The following FA2H variants were observed in gnomAD, a reference collection of about 807,000 sequenced individuals.
FA2H encodes the protein fatty acid 2-hydroxylase, also known as fatty acid alpha-hydroxylase.
A neutral mutation model predicts 44.9 loss-of-function variants in FA2H; 22 were observed. The ratio of observed to expected loss-of-function variants is 0.49; its 90% CI spans 0.35 to 0.70. The LOEUF (loss-of-function observed/expected upper bound fraction) is 0.70. Ranked by LOEUF, FA2H falls within the 30% of genes least tolerant of loss-of-function variation. The probability of loss-of-function intolerance (pLI) is 0.01; values close to 1 mark genes in which losing one functional copy is unlikely to be tolerated. For synonymous variants in FA2H, 243 were observed against 213.2 expected, an observed-to-expected ratio of 1.14 and a Z score of -1.22; for missense variants, 501 against 504.9, an observed-to-expected ratio of 0.99 and a Z score of 0.07.
intron 1 of FA2H, among the ~76,000 whole-genome samples, chr16:74,768,942 A>G (rs1364212883): frequency 6.6e-6 from 1 of 152,008 alleles, no homozygotes; most frequent in East Asian, 1.9e-4. Flanking sequence ...CTTCTCAAGC[A>G]GAGGGCATGG....
chr16:74,713,703 C>T lies in FA2H; in HGVS notation c.*487G>A, dbSNP rs1471160686. 2.4e-5 allele frequency: 4 copies of T among 163,506 alleles called. No individual in the cohort carries two copies. Among genetic ancestry groups the T allele is most frequent in the Non-Finnish European group, 5.4e-5 (4 of 74,100 alleles). The allele number at this position is 163,506 out of a possible 1,614,324, so 10.1% of individuals were successfully genotyped here. ...CTTCTTGCGAGAGCTCTTTGTCCAC[C>T]TCAGAGCCACCAAAGCCTCCCCAGA... On this transcript the variant is annotated 3_prime_UTR_variant, in exon 7 of 7. Coordinates refer to ENST00000219368, the MANE Select transcript of FA2H (RefSeq NM_024306.5).
chr16:74,729,010 T>TA (rs1444955417), intron 2 of FA2H, among the ~76,000 whole-genome samples: 1 of 123,512 alleles, frequency 8.1e-6, no homozygotes, highest in African/African-American at 3.1e-5. Flanking sequence ...CTTGATTTTT[T>TA]TTTTTTTTTT....
chr16:74,717,678 CACGTGGCTACAGGCCAT>C (rs949958275), intron 5 of FA2H, among the ~76,000 whole-genome samples: 1 of 152,178 alleles, frequency 6.6e-6, no homozygotes, highest in African/African-American at 2.4e-5. Flanking sequence ...GATTGGAGCC[CACGTGGCTACAGGCCAT>C]ACAGTCTCCT....
At chr16:74,723,914 T>C (rs1961894085) in intron 4 of FA2H, among the ~76,000 whole-genome samples, 1 of 152,034 alleles carries the variant, frequency 6.6e-6, no homozygotes, top group East Asian at 1.9e-4. Flanking sequence ...TATATTTTCT[T>C]TTTTTGAGAC....
At chr16:74,718,247 G>C (rs866672998) in intron 5 of FA2H, among the ~76,000 whole-genome samples, 2 of 152,324 alleles carry the variant, frequency 1.3e-5, no homozygotes, top group South Asian at 4.1e-4. Context: ...TGTCCCGAAA[G>C]TATCATATCT....
chr16:74,755,152 C>T (rs990692482), intron 1 of FA2H, among the ~76,000 whole-genome samples: 1 of 103,684 alleles, frequency 9.6e-6, no homozygotes, highest in East Asian at 2.4e-4. Flanking sequence ...TGAGAGAATA[C>T]ATTTGTGTTT....
intron 4 of FA2H, among the ~76,000 whole-genome samples, chr16:74,719,692 C>T (rs890599695): frequency 8.5e-5 from 13 of 152,060 alleles, no homozygotes; most frequent in Non-Finnish European, 1.2e-4. Context: ...TGCATGCCAC[C>T]GCACCCAGCT....
chr16:74,741,808 ATGTG>A (rs1208446986), intron 1 of FA2H, among the ~76,000 whole-genome samples: 24 of 48,410 alleles, frequency 5.0e-4, no homozygotes, highest in East Asian at 2.4e-3. Flanking sequence ...ATATATATAT[ATGTG>A]TGTGTGTGTG....
rs35360701 is a variant in FA2H, at chr16:74,729,004, A to ATTTTTTTTTTTTT, written c.364-1631_364-1619dup. ...CATCATGTTGGCCAGGATGGTCTTG[A>ATTTTTTTTTTTTT]TTTTTTTTTTTTTTTTTTTTTTTTT... On this transcript the variant is annotated intron_variant, in intron 2 of 6. Transcript: ENST00000219368. 1.0e-4 allele frequency among the ~76,000 whole-genome samples: 4 copies of ATTTTTTTTTTTTT among 38,992 alleles called. 1 individual carries two copies. Among genetic ancestry groups the ATTTTTTTTTTTTT allele is most frequent in the Non-Finnish European group, 1.4e-4 (3 of 21,732 alleles). The allele number at this position is 38,992 out of a possible 152,430, so 25.6% of individuals were successfully genotyped here. A position where few individuals can be genotyped will look rare whatever the true frequency, so the allele number is the denominator to read the frequency against.
intron 1 of FA2H, among the ~76,000 whole-genome samples, chr16:74,755,377 G>A (rs1343380181): frequency 2.6e-5 from 4 of 151,590 alleles, no homozygotes; most frequent in Admixed American, 6.6e-5. Flanking sequence ...ACGGGGTTTC[G>A]CCATGTTGGT....
In FA2H at chr16:74,726,320, G is replaced by A. The variant is rs931131215; in HGVS notation, c.518C>T (p.Pro173Leu). ...CAGCACCAGGGGCACCCAGATGATG[G>A]GGACACTGTACCTGCAGGAAGGCCA... ...GLSKTVWYSV[P>L]IIWVPLVLYL... is the part of the protein sequence containing the mutation. The change falls in exon 4 of 7, where the codon CCC (proline) becomes CTC (leucine). Residue 173 changes from proline to leucine, a missense_variant. Coordinates refer to ENST00000219368, the MANE Select transcript of FA2H (RefSeq NM_024306.5). 4 of 1,612,722 alleles carry A rather than the reference G, an allele frequency of 2.5e-6. No individual in the cohort carries two copies. The highest frequency in any genetic ancestry group is 1.7e-5 in the Admixed American group (1 of 60,002).
In FA2H at chr16:74,719,074, G is replaced by A. The variant is rs1961773664; in HGVS notation, c.700C>T (p.His234Tyr). 6.2e-7 allele frequency: 1 copy of A among 1,613,910 alleles called. No individual in the cohort carries two copies. The change falls in exon 5 of 7, where the codon CAC becomes TAC. Residue 234 changes from histidine to tyrosine, a missense_variant. Physicochemically the swap from His to Tyr is moderately conservative, Grantham distance 83. Coordinates refer to ENST00000219368, the MANE Select transcript of FA2H (RefSeq NM_024306.5). ...FLWSLIEYLI[H>Y]RFLFHMKPPS... ...GGCTTCATGTGGAACAGGAAGCGGT[G>A]GATGAGGTACTCGATGAGGCTCCAG...
At chr16:74,729,238 G>C (rs1458991661) in intron 2 of FA2H, among the ~76,000 whole-genome samples, 1 of 152,026 alleles carries the variant, frequency 6.6e-6, no homozygotes, top group Admixed American at 6.6e-5. Flanking sequence ...TCAATCTCCC[G>C]ATCCTCGTGA....
intron 4 of FA2H, among the ~76,000 whole-genome samples, chr16:74,723,360 T>C (rs1961881084): frequency 6.6e-6 from 1 of 152,148 alleles, no homozygotes; most frequent in African/African-American, 2.4e-5. Flanking sequence ...GGTCCAAACC[T>C]GGACCCTCTG....
intron 1 of FA2H, among the ~76,000 whole-genome samples, chr16:74,741,808 A>ATATG (rs1491185782): frequency 2.6e-3 from 126 of 48,352 alleles, no homozygotes; most frequent in South Asian, 4.0e-3. Context: ...ATATATATAT[A>ATATG]TGTGTGTGTG....
intron 5 of FA2H, 79 bp downstream of exon 5, chr16:74,718,909 G>T: frequency 1.3e-6 from 2 of 1,530,366 alleles, no homozygotes; most frequent in South Asian, 2.3e-5. Flanking sequence ...AGGCTCCGCA[G>T]CACCTGAAGC....
intron 1 of FA2H, among the ~76,000 whole-genome samples, chr16:74,771,712 T>G (rs1293943608): frequency 3.3e-5 from 5 of 152,074 alleles, no homozygotes; most frequent in African/African-American, 1.2e-4. Flanking sequence ...CCTCTCAGAT[T>G]AAACTGGGCC....
At chr16:74,735,017 G>C (rs934216598) in intron 2 of FA2H, among the ~76,000 whole-genome samples, 4 of 152,252 alleles carry the variant, frequency 2.6e-5, no homozygotes, top group African/African-American at 9.6e-5. Flanking sequence ...TCGCTGGTCA[G>C]CTGGGGCTCA....
At chr16:74,716,712 C>T (rs1024891051) in intron 5 of FA2H, 113 bp from the exon 6 acceptor site, 12 of 1,275,180 alleles carry the variant, frequency 9.4e-6, no homozygotes, top group Admixed American at 2.7e-5. Flanking sequence ...CATTCCACTG[C>T]GTAGGCTTGG....
Sources: gnomAD v4.1 joint callset for allele counts (sites outside exome capture counted in the v4.1 genomes callset) on GRCh38, gnomAD v4.1.1 for gene constraint, MANE v1.5 for transcripts, NCBI Gene and HGNC (gene_info 2026-07-23, HGNC 2026-07-21) for gene names.